Variants in BRSK2 observed in about 807,000 individuals in gnomAD.
The protein encoded by BRSK2 is serine/threonine-protein kinase BRSK2.
BRSK2 carries 19 observed loss-of-function variants against 83.3 expected under a neutral mutation model. The ratio of observed to expected loss-of-function variants is 0.23; its 90% confidence interval spans 0.16 to 0.33. The LOEUF (loss-of-function observed/expected upper bound fraction) is 0.33. Ranked by LOEUF, BRSK2 falls within the 10% of genes least tolerant of loss-of-function variation. The pLI, the probability that BRSK2 is intolerant of heterozygous loss-of-function variation, is 1.00. For synonymous variants in BRSK2, 519 were observed against 435.4 expected, an observed-to-expected ratio of 1.19 and a Z score of -2.39; for missense variants, 798 against 1,042.3, an observed-to-expected ratio of 0.77 and a Z score of 3.23.
At chr11:1,450,365 G>A (rs1005603810) in intron 13 of BRSK2, among the ~76,000 whole-genome samples, 4 of 152,028 alleles carry the variant, frequency 2.6e-5, no homozygotes, top group East Asian at 1.9e-4. Context: ...CCTGCGGCCC[G>A]ACCCCAAGAC....
At position 1,423,180 on chromosome 11, in the gene BRSK2, C is replaced by T. The variant is rs552363348; in HGVS notation, c.92-12860C>T. Among the ~76,000 whole-genome samples the T allele has an allele frequency of 8.5e-5, 13 of 152,102 alleles. No homozygotes were observed. The highest frequency in any genetic ancestry group is 3.9e-4 in the East Asian group (2 of 5,154). On this transcript the variant is annotated intron_variant, in intron 1 of 19. Transcript: ENST00000528841. The surrounding 1 kb of genome is among the most constrained non-coding windows in gnomAD (Gnocchi z 6.5). Reference sequence around the variant, plus strand: ...CCAGAGCGGTGCCTCGTGGGGGATGCGGTGCCTCGTGGGGGACATGGTGCC... The same window carrying T: ...CCAGAGCGGTGCCTCGTGGGGGATGTGGTGCCTCGTGGGGGACATGGTGCC...
At chr11:1,426,534 T>G (rs966602207) in intron 1 of BRSK2, among the ~76,000 whole-genome samples, 7 of 152,050 alleles carry the variant, frequency 4.6e-5, no homozygotes, top group Admixed American at 6.5e-5. Context: ...TCCCCGCAAA[T>G]GTAGAGTGTG....
chr11:1,410,907 G>A, intron 1 of BRSK2: 1 of 987,652 alleles, frequency 1.0e-6, no homozygotes, highest in African/African-American at 1.7e-5. Flanking sequence ...TGTGCAGAAG[G>A]TGGGTGTTCC....
At chr11:1,433,860 G>A (rs1564835191) in intron 1 of BRSK2, among the ~76,000 whole-genome samples, 1 of 152,190 alleles carries the variant, frequency 6.6e-6, no homozygotes, top group Non-Finnish European at 1.5e-5. Flanking sequence ...CCCAGCCTGT[G>A]TCACTGCCCG....
chr11:1,459,333 C>G, intron 19 of BRSK2, 94 bp downstream of exon 19: 1 of 1,447,718 alleles, frequency 6.9e-7, no homozygotes. Context: ...CCGGGTTGTC[C>G]CGGCCTCCCT....
chr11:1,447,020 G>T (rs935790717), intron 12 of BRSK2, among the ~76,000 whole-genome samples: 1 of 152,110 alleles, frequency 6.6e-6, no homozygotes, highest in Admixed American at 6.5e-5. Context: ...CCAGAGTACT[G>T]GTGGTCCCAG....
At position 1,459,183 on chromosome 11, in the gene BRSK2, G is replaced by A; in HGVS notation, c.1940-9G>A. 1 of 1,613,574 alleles carries A rather than the reference G, an allele frequency of 6.2e-7. No homozygotes were observed. The highest frequency in any genetic ancestry group is 8.5e-7 in the Non-Finnish European group (1 of 1,179,688). Reference sequence around the variant, plus strand: ...ACTCCCTCCCTCCTCTCTCCATTCTGTACTCCAGACACCACTAACTGTATG... The same window carrying A: ...ACTCCCTCCCTCCTCTCTCCATTCTATACTCCAGACACCACTAACTGTATG... On this transcript the variant is annotated splice_polypyrimidine_tract_variant and intron_variant, in intron 18 of 19. Coordinates refer to ENST00000528841, the MANE Select transcript of BRSK2 (RefSeq NM_001256627.2).
chr11:1,424,728 A>C (rs1848998395), intron 1 of BRSK2, among the ~76,000 whole-genome samples: 1 of 133,924 alleles, frequency 7.5e-6, no homozygotes, highest in Non-Finnish European at 1.6e-5. Flanking sequence ...CTGTTTGGAC[A>C]GAGGGAGTCG....
intron 1 of BRSK2, among the ~76,000 whole-genome samples, chr11:1,398,348 C>T (rs1483213806): frequency 1.3e-5 from 2 of 152,140 alleles, no homozygotes; most frequent in African/African-American, 4.8e-5. Context: ...TTGGCTGCTT[C>T]CCTGGGCGGG....
chr11:1,425,771 G>A (rs1849143504), intron 1 of BRSK2, among the ~76,000 whole-genome samples: 1 of 152,196 alleles, frequency 6.6e-6, no homozygotes, highest in Admixed American at 6.5e-5. Context: ...CTGGGCGAGG[G>A]TGGGTAGCAG....
At chr11:1,450,132 G>A (rs879557607) in intron 13 of BRSK2, among the ~76,000 whole-genome samples, 3 of 151,690 alleles carry the variant, frequency 2.0e-5, no homozygotes, top group Admixed American at 1.3e-4. Context: ...TTTCTTTCTG[G>A]TCCTCCTGTG....
Position 1,454,423 on chromosome 11 carries a change from G to T in BRSK2, c.1545-62G>T. 1 of 1,589,228 alleles carries T rather than the reference G, an allele frequency of 6.3e-7. No homozygotes were observed. The highest frequency in any genetic ancestry group is 8.6e-7 in the Non-Finnish European group (1 of 1,164,354). On this transcript the variant is annotated intron_variant, in intron 15 of 19. Coordinates refer to ENST00000528841, the MANE Select transcript of BRSK2 (RefSeq NM_001256627.2). This position sits in a 1 kb window ranked among gnomAD's most constrained non-coding sequence, Gnocchi z 5.2. ...CGCCGTTCCAACCCCAGATTCGAGG[G>T]AGGCAGGGGTGTGGACGGTGCCACA...
In BRSK2 at chr11:1,458,076, C is replaced by T. The variant is rs558014774; in HGVS notation, c.1940-1116C>T. 2.0e-3 allele frequency among the ~76,000 whole-genome samples: 304 copies of T among 152,230 alleles called. 3 individuals carry two copies. The highest frequency in any genetic ancestry group is 9.7e-3 in the South Asian group (47 of 4,822). On this transcript the variant is annotated intron_variant, in intron 18 of 19. Coordinates refer to ENST00000528841, the MANE Select transcript of BRSK2 (RefSeq NM_001256627.2). ...TTCATCTTAGGAAGGGAAACCGAGG[C>T]CAGGGAACGACAGGGCAGCCACCTA...
At chr11:1,416,514 C>T (rs1004828094) in intron 1 of BRSK2, among the ~76,000 whole-genome samples, 10 of 152,210 alleles carry the variant, frequency 6.6e-5, no homozygotes, top group Admixed American at 2.0e-4. Flanking sequence ...ACGTCTGTGT[C>T]CAACACGTTC....
chr11:1,420,284 T>G (rs544249882), intron 1 of BRSK2, among the ~76,000 whole-genome samples: 6 of 152,220 alleles, frequency 3.9e-5, no homozygotes, highest in Non-Finnish European at 5.9e-5. Context: ...CAACTACCCT[T>G]CTTGTTGGCC....
At chr11:1,453,185 C>T (rs890405940) in intron 15 of BRSK2, among the ~76,000 whole-genome samples, 1 of 152,258 alleles carries the variant, frequency 6.6e-6, no homozygotes. Context: ...TTCATAGCAA[C>T]ACCCAGACTA....
At position 1,438,619 on chromosome 11, in the gene BRSK2, G is replaced by A. The variant is rs1017990524; in HGVS notation, c.272+228G>A. On this transcript the variant is annotated intron_variant, in intron 3 of 19. Coordinates refer to ENST00000528841, the MANE Select transcript of BRSK2 (RefSeq NM_001256627.2). This position sits in a 1 kb window ranked among gnomAD's most constrained non-coding sequence, Gnocchi z 6.4. Reference sequence around the variant, plus strand: ...CCGGAGACCTGGTCTGTGGAGGCTCGCAGAGCCACCAGCCTGAGGCTGGCA... The same window carrying A: ...CCGGAGACCTGGTCTGTGGAGGCTCACAGAGCCACCAGCCTGAGGCTGGCA... Among the ~76,000 whole-genome samples the A allele has an allele frequency of 3.3e-5, 5 of 152,132 alleles. No homozygotes were observed. Among genetic ancestry groups the A allele is most frequent in the African/African-American group, 1.2e-4 (5 of 41,424 alleles).
At chr11:1,451,819 C>T (rs898988454) in intron 15 of BRSK2, among the ~76,000 whole-genome samples, 14 of 152,172 alleles carry the variant, frequency 9.2e-5, no homozygotes, top group East Asian at 1.9e-4. Flanking sequence ...TGTGCAGGGG[C>T]GGAGCGGAGC....
chr11:1,436,514 G>A lies in BRSK2; in HGVS notation c.186+380G>A, dbSNP rs542690497. Reference sequence around the variant, plus strand: ...CTACCAGGGCACAGCTTGGCAGAGGGGAGCTGCACCTTCCTCTTCCACTGG... The same window carrying A: ...CTACCAGGGCACAGCTTGGCAGAGGAGAGCTGCACCTTCCTCTTCCACTGG... On this transcript the variant is annotated intron_variant, in intron 2 of 19. Transcript: ENST00000528841. Among the ~76,000 whole-genome samples, 220 of 152,280 alleles carry A rather than the reference G, an allele frequency of 1.4e-3. 1 individual carries two copies. The highest frequency in any genetic ancestry group is 2.4e-3 in the Non-Finnish European group (165 of 68,004).
Sources: allele counts gnomAD v4.1 joint callset (sites outside exome capture counted in the v4.1 genomes callset), GRCh38; gene constraint gnomAD v4.1.1; non-coding constraint Gnocchi (gnomAD v3.1); transcripts MANE v1.5; gene names NCBI Gene and HGNC (gene_info 2026-07-23, HGNC 2026-07-21).